NPHP1: variants seen among roughly 807,000 people sequenced by gnomAD.
The protein encoded by NPHP1 is nephrocystin 1.
Under a neutral mutation model 90.4 loss-of-function variants are expected in NPHP1, and 70 were observed. The observed-to-expected ratio is 0.77, with a 90% CI of 0.64 to 0.95. NPHP1 has a LOEUF of 0.95. Ranked by LOEUF, NPHP1 falls within the 40% of genes least tolerant of loss-of-function variation. The probability of loss-of-function intolerance (pLI) is 0.00; values close to 1 mark genes in which losing one functional copy is unlikely to be tolerated. For missense variants in NPHP1, 764 were observed against 795.9 expected (o/e 0.96, Z 0.48); for synonymous variants, 256 against 271.7 (o/e 0.94, Z 0.57).
rs3086121 is a variant in NPHP1, at chr2:110,180,448, C to CTTTTTTTT, written c.144-772_144-765dup. 6.5e-3 allele frequency among the ~76,000 whole-genome samples: 523 copies of CTTTTTTTT among 80,938 alleles called. 2 individuals carry two copies. Among genetic ancestry groups the CTTTTTTTT allele is most frequent in the Middle Eastern group, 0.015 (1 of 68 alleles). The allele number at this position is 80,938 out of a possible 152,430, so 53.1% of individuals were successfully genotyped here. ...AGTCACTTTTTTATGCCGTTTGAGT[C>CTTTTTTTT]TTTTTTTTTTTTTTTTTTTTTTTGC... On this transcript the variant is annotated intron_variant, in intron 2 of 19. Coordinates refer to ENST00000445609, the MANE Select transcript of NPHP1 (RefSeq NM_001128178.3).
chr2:110,147,442 G>A (rs562595316), intron 13 of NPHP1, among the ~76,000 whole-genome samples: 41 of 152,190 alleles, frequency 2.7e-4, no homozygotes, highest in Non-Finnish European at 5.0e-4. Context: ...GCTATTATTA[G>A]TATGTGGAAA....
intron 4 of NPHP1, 54 bp downstream of exon 4, chr2:110,178,369 C>T: frequency 6.6e-7 from 1 of 1,521,744 alleles, no homozygotes; most frequent in South Asian, 1.1e-5. Flanking sequence ...AACATTAAAG[C>T]TATTGGTGAT....
At chr2:110,128,092 C>A (rs1011758608) in intron 18 of NPHP1, 2 of 152,040 alleles carry the variant, frequency 1.3e-5, no homozygotes, top group Non-Finnish European at 2.9e-5. Context: ...TTGAAAATGT[C>A]ATTATTACTA....
chr2:110,140,024 A>C (rs1159657489), intron 16 of NPHP1, among the ~76,000 whole-genome samples: 2 of 150,248 alleles, frequency 1.3e-5, no homozygotes, highest in African/African-American at 2.5e-5. Flanking sequence ...GCACAGCCCC[A>C]CCCCGCCCCC....
At chr2:110,185,182 T>C (rs1684200840) in intron 2 of NPHP1, 1 of 551,886 alleles carries the variant, frequency 1.8e-6, no homozygotes, top group East Asian at 4.9e-5. Context: ...AACCTTCTAA[T>C]GTTGGGATAT....
At chr2:110,190,182 C>T (rs966921815) in intron 2 of NPHP1, among the ~76,000 whole-genome samples, 14 of 152,198 alleles carry the variant, frequency 9.2e-5, no homozygotes, top group Non-Finnish European at 1.6e-4. Context: ...CAGCAGATCC[C>T]GCACCAGGGC....
At chr2:110,201,172 C>T (rs150955349) in intron 2 of NPHP1, among the ~76,000 whole-genome samples, 125 of 152,174 alleles carry the variant, frequency 8.2e-4, no homozygotes, top group African/African-American at 2.7e-3. Context: ...AGGATCTGGG[C>T]TACATAGGCT....
intron 2 of NPHP1, among the ~76,000 whole-genome samples, chr2:110,189,992 CTAGA>C (rs1330185285): frequency 1.3e-5 from 2 of 151,254 alleles, no homozygotes; most frequent in Non-Finnish European, 2.9e-5. Context: ...ACCAGAGTAG[CTAGA>C]TACAGAGTGT....
At chr2:110,134,908 C>G (rs1262618640) in intron 16 of NPHP1, among the ~76,000 whole-genome samples, 4 of 152,030 alleles carry the variant, frequency 2.6e-5, no homozygotes, top group Admixed American at 6.6e-5. Flanking sequence ...AGCTTTTCCT[C>G]TAAGATAAGG....
At chr2:110,190,068 C>G (rs993300213) in intron 2 of NPHP1, among the ~76,000 whole-genome samples, 1 of 152,202 alleles carries the variant, frequency 6.6e-6, no homozygotes, top group African/African-American at 2.4e-5. Context: ...GTTTACAAAC[C>G]TTGAGCTAGA....
chr2:110,190,040 CAG>C (rs1377547617), intron 2 of NPHP1, among the ~76,000 whole-genome samples: 3 of 152,202 alleles, frequency 2.0e-5, no homozygotes, highest in Non-Finnish European at 4.4e-5. Flanking sequence ...GAGCTAGACA[CAG>C]GGGGCTGATT....
At chr2:110,191,597 CA>C (rs1684745027) in intron 2 of NPHP1, among the ~76,000 whole-genome samples, 3 of 152,182 alleles carry the variant, frequency 2.0e-5, no homozygotes, top group Non-Finnish European at 4.4e-5. Context: ...CATAGCCAAA[CA>C]AAAGGCAGCA....
intron 8 of NPHP1, chr2:110,164,336 C>T (rs1211260452): frequency 1.7e-6 from 1 of 602,350 alleles, no homozygotes; most frequent in East Asian, 2.8e-5. Context: ...CATGCCTGGC[C>T]AATTTCTTAC....
chr2:110,134,724 A>C (rs1003833673), intron 16 of NPHP1, among the ~76,000 whole-genome samples: 3 of 152,074 alleles, frequency 2.0e-5, no homozygotes, highest in Non-Finnish European at 4.4e-5. Flanking sequence ...AACAGAATTA[A>C]GGGGAAAAAC....
In NPHP1 at chr2:110,178,464, C is replaced by A. The variant is rs758059337; in HGVS notation, c.288G>T (p.Leu96=). 3 of 1,613,870 alleles carry A rather than the reference C, an allele frequency of 1.9e-6. No individual in the cohort carries two copies. The Admixed American group carries it at 5.0e-5, about 27-fold the overall frequency. The part of the protein sequence containing the change: ...HTLLDKLTQQ[L]QGLAVTISRE... ...TGCTTATTGTCACAGCAAGGCCCTG[C>A]AGTTGTTGGGTAAGCTTGTCCAAAA... Residue 96 remains leucine, a synonymous_variant, in exon 4 of 20, where the codon CTG becomes CTT. Transcript: ENST00000445609.
intron 2 of NPHP1, among the ~76,000 whole-genome samples, chr2:110,197,601 C>T (rs1685261232): frequency 6.6e-6 from 1 of 152,136 alleles, no homozygotes; most frequent in Non-Finnish European, 1.5e-5. Context: ...TCTCCTACAT[C>T]TGCTCTTAGA....
At chr2:110,173,555 A>G (rs972156692) in intron 4 of NPHP1, among the ~76,000 whole-genome samples, 2 of 152,110 alleles carry the variant, frequency 1.3e-5, no homozygotes, top group African/African-American at 4.8e-5. Context: ...TACATTTCCT[A>G]TTTTTGGATA....
In NPHP1 at chr2:110,189,925, G is replaced by A. The variant is rs1476094488; in HGVS notation, c.144-10241C>T. On this transcript the variant is annotated intron_variant, in intron 2 of 19. Coordinates refer to ENST00000445609, the MANE Select transcript of NPHP1 (RefSeq NM_001128178.3). ...TTACAAACCTTGAGCTAGATACAGA[G>A]TGCCGATTGGTGTGTTTACAATCCC... 3.3e-5 allele frequency among the ~76,000 whole-genome samples: 5 copies of A among 152,040 alleles called. No individual in the cohort carries two copies. In the East Asian group the frequency reaches 9.7e-4, roughly 29 times the overall value.
At chr2:110,152,921 A>G (rs901292927) in intron 11 of NPHP1, among the ~76,000 whole-genome samples, 4 of 152,082 alleles carry the variant, frequency 2.6e-5, no homozygotes, top group African/African-American at 9.7e-5. Context: ...GCTGAAAAAA[A>G]TCCCCAAATT....
Sources: allele counts gnomAD v4.1 joint callset (sites outside exome capture counted in the v4.1 genomes callset), GRCh38; gene constraint gnomAD v4.1.1; transcripts MANE v1.5; gene names NCBI Gene and HGNC (gene_info 2026-07-23, HGNC 2026-07-21).